The following TMTC4 variants were observed in gnomAD, a reference collection of about 807,000 sequenced individuals.
The protein encoded by TMTC4 is transmembrane O-mannosyltransferase targeting cadherins 4, also known as protein O-mannosyl-transferase TMTC4.
In TMTC4, 65 loss-of-function variants were observed where a neutral mutation model predicts 86.0. The ratio of observed to expected loss-of-function variants is 0.76; its 90% confidence interval spans 0.62 to 0.93. The LOEUF (loss-of-function observed/expected upper bound fraction) is 0.93. Ranked by LOEUF, TMTC4 falls within the 40% of genes least tolerant of loss-of-function variation. TMTC4 has a pLI of 0.00. For missense variants in TMTC4, 866 were observed against 948.1 expected, an observed-to-expected ratio of 0.91 and a Z score of 1.14; for synonymous variants, 379 against 382.5, an observed-to-expected ratio of 0.99 and a Z score of 0.11.
rs762050706 is a variant in TMTC4 at position 100,664,348 on chromosome 13, C to T, written c.220-12G>A. Reference sequence around the variant, plus strand: ...TCTGCTTGGAGGTCCTGCAGGGTCACAAAGGGGATGTTCTGGACAAGGGTC... The same window carrying T: ...TCTGCTTGGAGGTCCTGCAGGGTCATAAAGGGGATGTTCTGGACAAGGGTC... On this transcript the variant is annotated splice_polypyrimidine_tract_variant and intron_variant, in intron 3 of 18. Transcript: ENST00000342624. The T allele has an allele frequency of 2.5e-6, 4 of 1,593,190 alleles. No homozygotes were observed. The South Asian group carries it at 3.4e-5, about 14-fold the overall frequency.
At chr13:100,660,353 A>C (rs1016876192) in intron 5 of TMTC4, among the ~76,000 whole-genome samples, 2 of 151,360 alleles carry the variant, frequency 1.3e-5, no homozygotes, top group African/African-American at 4.9e-5. Flanking sequence ...AAAAAAGAAA[A>C]GAAAAAAAAA....
intron 6 of TMTC4, among the ~76,000 whole-genome samples, chr13:100,644,765 G>C (rs531320900): frequency 6.6e-6 from 1 of 152,140 alleles, no homozygotes; most frequent in African/African-American, 2.4e-5. Flanking sequence ...CCAGCTGATC[G>C]ACAGGAAAGC....
intron 12 of TMTC4, among the ~76,000 whole-genome samples, chr13:100,626,810 C>T (rs1405309526): frequency 2.6e-5 from 4 of 152,170 alleles, no homozygotes; most frequent in Admixed American, 2.6e-4. Flanking sequence ...GCATTTTACT[C>T]TGTATCTGTA....
intron 1 of TMTC4, chr13:100,673,950 G>T (rs1887478221): frequency 1.2e-6 from 1 of 849,356 alleles, no homozygotes; most frequent in Non-Finnish European, 1.4e-6. Flanking sequence ...GGGAAAGAGC[G>T]AAGTGTGGGA....
chr13:100,627,861 G>C (rs1880786051), intron 12 of TMTC4, among the ~76,000 whole-genome samples: 1 of 152,026 alleles, frequency 6.6e-6, no homozygotes, highest in Admixed American at 6.6e-5. Flanking sequence ...GTGAGTGGGG[G>C]AGAAGCAGGT....
At chr13:100,674,006 G>A in intron 1 of TMTC4, 1 of 984,490 alleles carries the variant, frequency 1.0e-6, no homozygotes. Flanking sequence ...CCCTTCTTTT[G>A]TGTGTGGTTT....
intron 1 of TMTC4, chr13:100,673,181 C>A: frequency 4.0e-6 from 1 of 247,492 alleles, no homozygotes. Flanking sequence ...AATTAATCAT[C>A]AGTGAGAAGG....
chr13:100,657,881 G>A (rs1035279895), intron 5 of TMTC4, among the ~76,000 whole-genome samples: 6 of 152,124 alleles, frequency 3.9e-5, no homozygotes, highest in African/African-American at 1.4e-4. Context: ...AGGACCATTC[G>A]TCACTGTAAC....
Position 100,664,265 on chromosome 13 carries a change from G to A in TMTC4, c.291C>T (p.Asn97=), listed in dbSNP as rs1886142924. The change falls in exon 4 of 19, where the codon AAC becomes AAT. Residue 97 remains asparagine (N), a synonymous_variant. Coordinates refer to ENST00000342624, the MANE Select transcript of TMTC4 (RefSeq NM_032813.5). ...HDFWGSRLSS[N]TSHKSYRPLT... ...GAGGCCGGTAGGACTTGTGGCTGGT[G>A]TTGCTGCTCAGTCTACTGCCCCAGA... 1 of 1,612,286 alleles carries A rather than the reference G, an allele frequency of 6.2e-7. No individual in the cohort carries two copies. Among genetic ancestry groups the A allele is most frequent in the African/African-American group, 1.3e-5 (1 of 74,804 alleles).
intron 15 of TMTC4, among the ~76,000 whole-genome samples, chr13:100,615,415 A>G (rs1878324322): frequency 6.6e-6 from 1 of 151,124 alleles, no homozygotes; most frequent in Admixed American, 6.6e-5. Context: ...TGCTGGGATT[A>G]CAGGCGTGAG....
At chr13:100,667,546 G>A (rs558026930) in intron 3 of TMTC4, among the ~76,000 whole-genome samples, 2 of 152,244 alleles carry the variant, frequency 1.3e-5, no homozygotes, top group African/African-American at 4.8e-5. Context: ...AATCAGTCAT[G>A]TTGCCCCCAT....
intron 6 of TMTC4, among the ~76,000 whole-genome samples, chr13:100,645,999 T>A (rs1883685810): frequency 6.6e-6 from 1 of 152,016 alleles, no homozygotes; most frequent in Non-Finnish European, 1.5e-5. Flanking sequence ...GGGTAGGAAA[T>A]CACTCCCACT....
At position 100,604,820 on chromosome 13, in the gene TMTC4, C is replaced by T; in HGVS notation, c.*174G>A. 4 of 523,238 alleles carry T rather than the reference C, an allele frequency of 7.6e-6. No homozygotes were observed. Among genetic ancestry groups the T allele is most frequent in the Non-Finnish European group, 1.2e-5 (4 of 329,196 alleles). The allele number at this position is 523,238 out of a possible 1,614,324, so 32.4% of individuals were successfully genotyped here. On this transcript the variant is annotated 3_prime_UTR_variant, in exon 19 of 19. Coordinates refer to ENST00000342624, the MANE Select transcript of TMTC4 (RefSeq NM_032813.5). Reference sequence around the variant, plus strand: ...AATTTCAATGAAAAATCATATCACGCATTCAAGAGTATATTGCTGGTGCTA... The same window carrying T: ...AATTTCAATGAAAAATCATATCACGTATTCAAGAGTATATTGCTGGTGCTA...
At chr13:100,639,558 C>A (rs988364159) in intron 7 of TMTC4, among the ~76,000 whole-genome samples, 6 of 152,210 alleles carry the variant, frequency 3.9e-5, no homozygotes. Flanking sequence ...AAAATGGCCC[C>A]ATTTTAATCC....
Position 100,664,205 on chromosome 13 carries a change from C to T in TMTC4, c.335+16G>A, listed in dbSNP as rs1406152213. ...CTGGGAGGGACCTTCCCAGGCCCTT[C>T]AATGTCACAGCTTACCTGAAAGTCA... On this transcript the variant is annotated intron_variant, in intron 4 of 18. Transcript: ENST00000342624. The T allele has an allele frequency of 1.9e-6, 3 of 1,595,906 alleles. No homozygotes were observed. Among genetic ancestry groups the T allele is most frequent in the Middle Eastern group, 1.7e-4 (1 of 5,974 alleles).
rs577594517 is a variant in TMTC4, at chr13:100,673,577, G to C, written c.-208+1167C>G. ...CCTGGGCCCCTCAAGGCAGGGGCGC[G>C]AGCCACCACCACCGCCCTCCTCCGT... On this transcript the variant is annotated intron_variant, in intron 1 of 18. Coordinates refer to ENST00000342624, the MANE Select transcript of TMTC4 (RefSeq NM_032813.5). Among the ~76,000 whole-genome samples, 11 of 152,326 alleles carry C rather than the reference G, an allele frequency of 7.2e-5. No individual in the cohort carries two copies. In the East Asian group the frequency reaches 2.1e-3, roughly 29 times the overall value.
At chr13:100,616,548 C>G (rs1594242126) in intron 15 of TMTC4, among the ~76,000 whole-genome samples, 1 of 152,140 alleles carries the variant, frequency 6.6e-6, no homozygotes, top group East Asian at 1.9e-4. Flanking sequence ...TATAACCAGT[C>G]ATGAGATTGC....
chr13:100,644,496 G>A (rs9557470), intron 6 of TMTC4, among the ~76,000 whole-genome samples: 41,222 of 152,094 alleles, frequency 0.27, 6,316 homozygotes, highest in Admixed American at 0.38. Context: ...GGCTCTCAAT[G>A]AACCATGAGC....
At chr13:100,624,194 C>T (rs889159066) in intron 15 of TMTC4, among the ~76,000 whole-genome samples, 1 of 151,688 alleles carries the variant, frequency 6.6e-6, no homozygotes, top group Admixed American at 6.6e-5. Flanking sequence ...GGCATGGTGG[C>T]GGGCGCCTAT....
Sources: gnomAD v4.1 joint callset for allele counts (sites outside exome capture counted in the v4.1 genomes callset) on GRCh38, gnomAD v4.1.1 for gene constraint, MANE v1.5 for transcripts, NCBI Gene and HGNC (gene_info 2026-07-23, HGNC 2026-07-21) for gene names.